CPEB3: variants seen among roughly 807,000 people sequenced by gnomAD.
The protein encoded by CPEB3 is cytoplasmic polyadenylation element-binding protein 3.
In CPEB3, 20 loss-of-function variants were observed where a neutral mutation model predicts 67.2. The observed-to-expected ratio is 0.30, with a 90% CI of 0.21 to 0.43. The LOEUF is 0.43. CPEB3 is among the 20% of genes least tolerant of loss of function. The pLI, the probability that CPEB3 is intolerant of heterozygous loss-of-function variation, is 1.00. For missense variants in CPEB3, 746 were observed against 968.6 expected (o/e 0.77, Z 3.05); for synonymous variants, 376 against 393.1 (o/e 0.96, Z 0.51).
chr10:92,054,995 A>C (rs1401513665), intron 9 of CPEB3, among the ~76,000 whole-genome samples: 1 of 152,206 alleles, frequency 6.6e-6, no homozygotes, highest in East Asian at 1.9e-4. Context: ...ATCTATTCCC[A>C]TGGAATATCA....
intron 2 of CPEB3, among the ~76,000 whole-genome samples, chr10:92,227,838 G>GC (rs1173897034): frequency 3.3e-5 from 5 of 151,536 alleles, no homozygotes; most frequent in African/African-American, 1.2e-4. Flanking sequence ...TGATCCACCC[G>GC]CCTTGGCCTC....
chr10:92,250,445 G>A (rs549663984), intron 1 of CPEB3, among the ~76,000 whole-genome samples: 1 of 152,064 alleles, frequency 6.6e-6, no homozygotes, highest in Non-Finnish European at 1.5e-5. Flanking sequence ...ATAAGCTAAG[G>A]TCAATTTTCT....
intron 6 of CPEB3, among the ~76,000 whole-genome samples, chr10:92,126,731 CTT>C (rs1352371121): frequency 1.3e-5 from 2 of 152,196 alleles, no homozygotes; most frequent in Admixed American, 1.3e-4. Flanking sequence ...ATAAAAATAA[CTT>C]TATTATCCAC....
intron 4 of CPEB3, among the ~76,000 whole-genome samples, chr10:92,165,979 C>G (rs557210419): frequency 2.6e-5 from 4 of 152,256 alleles, no homozygotes; most frequent in African/African-American, 9.6e-5. Context: ...TTGACCTCGT[C>G]CAATGAATCA....
chr10:92,191,941 C>CT (rs1849002968), intron 3 of CPEB3, among the ~76,000 whole-genome samples: 1 of 152,102 alleles, frequency 6.6e-6, no homozygotes. Flanking sequence ...CATTTATGTA[C>CT]TTTAAGATAT....
intron 7 of CPEB3, among the ~76,000 whole-genome samples, chr10:92,094,276 T>C (rs1843752142): frequency 6.6e-6 from 1 of 152,042 alleles, no homozygotes. Flanking sequence ...TGTTCACATG[T>C]AGACATTCGC....
rs558262299 is a variant in CPEB3, at chr10:92,076,883, G to A, written c.1869+4437C>T. On this transcript the variant is annotated intron_variant, in intron 9 of 9. Coordinates refer to ENST00000265997, the MANE Select transcript of CPEB3 (RefSeq NM_014912.5). ...AGGAGGAGGAAAGGGGGAAGGGAAA[G>A]GAAGGAAGAGGAAGGAAGGAAGAAG... Among the ~76,000 whole-genome samples, 4 of 151,986 alleles carry A rather than the reference G, an allele frequency of 2.6e-5. No homozygotes were observed. In the East Asian group the frequency reaches 7.7e-4, roughly 29 times the overall value.
At chr10:92,267,692 G>A (rs1853123507) in intron 1 of CPEB3, among the ~76,000 whole-genome samples, 2 of 152,094 alleles carry the variant, frequency 1.3e-5, no homozygotes, top group Admixed American at 1.3e-4. Context: ...TGGCAGAGAT[G>A]GAAAGGACTG....
chr10:92,165,082 T>C (rs1369381241), intron 4 of CPEB3, among the ~76,000 whole-genome samples: 1 of 152,188 alleles, frequency 6.6e-6, no homozygotes, highest in Non-Finnish European at 1.5e-5. Context: ...ATGTTTATAT[T>C]ATACTGTAGT....
At chr10:92,097,122 T>C (rs1252281765) in intron 7 of CPEB3, among the ~76,000 whole-genome samples, 4 of 152,104 alleles carry the variant, frequency 2.6e-5, no homozygotes, top group Admixed American at 6.5e-5. Flanking sequence ...CACACTGGAG[T>C]AAACTACTTC....
At chr10:92,119,489 C>T (rs897189346) in intron 6 of CPEB3, among the ~76,000 whole-genome samples, 9 of 152,156 alleles carry the variant, frequency 5.9e-5, no homozygotes, top group Non-Finnish European at 8.8e-5. Flanking sequence ...GTTCCTTCTT[C>T]CTGAGACAGT....
chr10:92,286,021 C>T (rs992530147), intron 1 of CPEB3, among the ~76,000 whole-genome samples: 6 of 151,538 alleles, frequency 4.0e-5, no homozygotes, highest in Non-Finnish European at 7.4e-5. Flanking sequence ...CTGCAAGCTC[C>T]GCCTCATGGA....
chr10:92,082,573 C>A (rs1418947382), intron 8 of CPEB3, among the ~76,000 whole-genome samples: 1 of 152,144 alleles, frequency 6.6e-6, no homozygotes, highest in Admixed American at 6.6e-5. Flanking sequence ...AGCCACCATG[C>A]CTGGCCTAAG....
chr10:92,176,733 G>A (rs968087089), intron 4 of CPEB3, among the ~76,000 whole-genome samples: 1 of 152,200 alleles, frequency 6.6e-6, no homozygotes. Context: ...TTTATGTGAT[G>A]AATCATGGAG....
intron 4 of CPEB3, among the ~76,000 whole-genome samples, chr10:92,164,053 T>C (rs185430997): frequency 1.3e-5 from 2 of 152,320 alleles, no homozygotes; most frequent in East Asian, 3.9e-4. Context: ...ATACTAGCAT[T>C]ACTGGGATAT....
chr10:92,195,223 C>G (rs762046550), intron 2 of CPEB3, among the ~76,000 whole-genome samples: 6 of 152,206 alleles, frequency 3.9e-5, no homozygotes, highest in Non-Finnish European at 7.3e-5. Context: ...CTTGAGCAGT[C>G]TTTTCCAGCC....
chr10:92,183,137 T>C (rs898597475), intron 3 of CPEB3, among the ~76,000 whole-genome samples: 3 of 152,188 alleles, frequency 2.0e-5, no homozygotes, highest in African/African-American at 7.2e-5. Flanking sequence ...TTTCTTAGAT[T>C]AGATCATGTT....
intron 4 of CPEB3, among the ~76,000 whole-genome samples, chr10:92,178,292 G>A (rs1347593362): frequency 6.6e-6 from 1 of 151,844 alleles, no homozygotes. Context: ...CTGAGCATCT[G>A]GGATCACAGG....
chr10:92,089,021 A>G (rs1436840508), intron 8 of CPEB3, among the ~76,000 whole-genome samples: 1 of 152,202 alleles, frequency 6.6e-6, no homozygotes, highest in East Asian at 1.9e-4. Context: ...CCTCTTTAAC[A>G]TGATAGTGGG....
Sources: gnomAD v4.1 joint callset for allele counts (sites outside exome capture counted in the v4.1 genomes callset) on GRCh38, gnomAD v4.1.1 for gene constraint, MANE v1.5 for transcripts, NCBI Gene and HGNC (gene_info 2026-07-23, HGNC 2026-07-21) for gene names.